The following SETD1B variants were observed in gnomAD, a reference collection of about 807,000 sequenced individuals.
The protein encoded by SETD1B is SET domain containing 1B, histone lysine methyltransferase.
Under a neutral mutation model 148.0 loss-of-function variants are expected in SETD1B, and 7 were observed. The ratio of observed to expected loss-of-function variants is 0.05; its 90% CI spans 0.03 to 0.09. SETD1B has a LOEUF of 0.09. Among genes scored for constraint, SETD1B ranks in the 10% least tolerant of loss-of-function variants. SETD1B has a pLI of 1.00. For synonymous variants in SETD1B, 1,361 were observed against 1,186.5 expected (o/e 1.15, Z -3.02); for missense variants, 2,155 against 2,729.9 (o/e 0.79, Z 4.69).
rs368741660 is a variant in SETD1B, at chr12:121,817,298, C to T, written c.2977+4C>T. 12 of 1,549,094 alleles carry T rather than the reference C, an allele frequency of 7.7e-6. No homozygotes were observed. The African/African-American group carries it at 1.4e-4, about 18-fold the overall frequency. On this transcript the variant is annotated splice_donor_region_variant and intron_variant, in intron 8 of 16. Coordinates refer to ENST00000604567, the MANE Select transcript of SETD1B (RefSeq NM_001353345.2). This position sits in a 1 kb window ranked among gnomAD's most constrained non-coding sequence, Gnocchi z 8.1. Reference sequence around the variant, plus strand: ...TCTGTGGATGAGGAAGATGAAGGTTCGTGCTCTGGGTGCTGGGGTCCCCTT... The same window carrying T: ...TCTGTGGATGAGGAAGATGAAGGTTTGTGCTCTGGGTGCTGGGGTCCCCTT...
the SETD1B span, chr12:121,797,779 T>TC: frequency 2.8e-6 from 1 of 353,254 alleles, no homozygotes; most frequent in Non-Finnish European, 5.6e-6. Context: ...AGCAACGGGG[T>TC]TCAATGGCAG....
the SETD1B span, among the ~76,000 whole-genome samples, chr12:121,790,515 A>G: frequency 6.6e-6 from 1 of 152,120 alleles, no homozygotes; most frequent in African/African-American, 2.4e-5. Flanking sequence ...CATTCATTCC[A>G]TCACCTTCCA....
chr12:121,807,520 T>C (rs1875805975), intron 4 of SETD1B, among the ~76,000 whole-genome samples: 1 of 151,876 alleles, frequency 6.6e-6, no homozygotes, highest in African/African-American at 2.4e-5. Context: ...ACTAAGTTTG[T>C]ATTTCAAGAA....
Position 121,825,340 on chromosome 12 carries a change from A to T in SETD1B, c.5311A>T (p.Thr1771Ser). Residue 1771 changes from threonine (T) to serine (S), a missense_variant, in exon 13 of 17, where the codon ACC becomes TCC. Physicochemically the swap from Thr to Ser is moderately conservative, Grantham distance 58 (BLOSUM62 1). Around this residue, in one of 11 missense-constraint regions of SETD1B, gnomAD observed 96 missense variants for 148.7 expected, o/e 0.65. Coordinates refer to ENST00000604567, the MANE Select transcript of SETD1B (RefSeq NM_001353345.2). ...LRYLNSSRAS[T>S]DEPPADTQGM... ...ATACCTCAACAGCAGCCGTGCCAGC[A>T]CCGATGAGCCCCCCGCAGACACCCA... is the stretch of plus-strand genomic sequence containing the variant. 6.4e-7 allele frequency: 1 copy of T among 1,551,112 alleles called. No individual in the cohort carries two copies. Among genetic ancestry groups the T allele is most frequent in the Non-Finnish European group, 8.7e-7 (1 of 1,147,036 alleles).
the SETD1B span, chr12:121,793,889 C>A: frequency 2.7e-6 from 1 of 367,470 alleles, no homozygotes; most frequent in Non-Finnish European, 4.8e-6. Context: ...AGCTCCCACC[C>A]CCAACCCACC....
intron 6 of SETD1B, among the ~76,000 whole-genome samples, chr12:121,813,106 C>T (rs907113493): frequency 2.6e-5 from 4 of 152,188 alleles, no homozygotes; most frequent in African/African-American, 7.2e-5. Flanking sequence ...TCCTGGGCTC[C>T]AGACCTTCTT....
At position 121,808,266 on chromosome 12, in the gene SETD1B, C is replaced by A; in HGVS notation, c.603C>A (p.Thr201=). 1.9e-6 allele frequency: 3 copies of A among 1,551,120 alleles called. No individual in the cohort carries two copies. Among genetic ancestry groups the A allele is most frequent in the Non-Finnish European group, 2.6e-6 (3 of 1,146,764 alleles). ...TCACTGGCCGATACACCCCCCAGACCCTCCCAGTGGGCGAGCTGGACGCTG... is the reference window on the plus strand; with the variant it reads ...TCACTGGCCGATACACCCCCCAGACACTCCCAGTGGGCGAGCTGGACGCTG... ...LLVTGRYTPQ[T]LPVGELDAVS... Residue 201 remains threonine, a synonymous_variant, in exon 5 of 17, where the codon ACC becomes ACA. Coordinates refer to ENST00000604567, the MANE Select transcript of SETD1B (RefSeq NM_001353345.2). This position sits in a 1 kb window ranked among gnomAD's most constrained non-coding sequence, Gnocchi z 5.3.
chr12:121,799,598 C>T (rs1157770081), upstream of SETD1B: 1 of 152,090 alleles, frequency 6.6e-6, no homozygotes, highest in Non-Finnish European at 1.5e-5. Context: ...CAAGTGGATC[C>T]TCTCGTATGC....
Position 121,817,519 on chromosome 12 carries a change from GCGTCCT to G in SETD1B, c.3135_3140del (p.Ser1047_Ser1048del). On this transcript the variant is annotated inframe_deletion, in exon 9 of 17. Coordinates refer to ENST00000604567, the MANE Select transcript of SETD1B (RefSeq NM_001353345.2). The surrounding 1 kb of genome is among the most constrained non-coding windows in gnomAD (Gnocchi z 8.1). ...GGAGGACGAGAAGGAGTCATTGTCGGCGTCCTCGTCCTCATCCGCGTCATCATCCTC... is the reference window on the plus strand; with the variant it reads ...GGAGGACGAGAAGGAGTCATTGTCGGCGTCCTCATCCGCGTCATCATCCTC... The G allele has an allele frequency of 1.3e-6, 2 of 1,551,452 alleles. No individual in the cohort carries two copies. The highest frequency in any genetic ancestry group is 8.7e-7 in the Non-Finnish European group (1 of 1,146,920).
At chr12:121,807,922 G>A (rs1327321593) in intron 4 of SETD1B, among the ~76,000 whole-genome samples, 3 of 151,938 alleles carry the variant, frequency 2.0e-5, no homozygotes, top group African/African-American at 7.3e-5. Flanking sequence ...GGGGCTGGGC[G>A]TCGCGGGTGG....
intron 10 of SETD1B, 25 bp from the exon 11 acceptor site, chr12:121,819,379 C>T (rs1483715402): frequency 1.5e-5 from 23 of 1,551,142 alleles, no homozygotes; most frequent in Non-Finnish European, 2.0e-5. Context: ...CCTCAGGCAG[C>T]CCCTCGTCTG....
chr12:121,813,995 A>C (rs560043918), intron 6 of SETD1B, 111 bp from the exon 7 acceptor site: 91 of 852,518 alleles, frequency 1.1e-4, no homozygotes, highest in Non-Finnish European at 1.5e-4. Context: ...AATGGCTTGC[A>C]CTGGGTCACA....
In SETD1B at chr12:121,810,659, A is replaced by G; in HGVS notation, c.1714A>G (p.Ile572Val). 1 of 1,549,590 alleles carries G rather than the reference A, an allele frequency of 6.5e-7. No individual in the cohort carries two copies. The highest frequency in any genetic ancestry group is 8.7e-7 in the Non-Finnish European group (1 of 1,146,692). ...CCCCTCCAGCACCGGCCTGGAGGAT[A>G]TCAGCCCAACACCCCTCCCAGACTC... is the stretch of plus-strand genomic sequence containing the variant. ...SRPSSTGLEDISPTPLPDSDE... is the reference protein window; with the variant it reads ...SRPSSTGLEDVSPTPLPDSDE... The change falls in exon 6 of 17, where the codon ATC becomes GTC. Residue 572 changes from isoleucine (I) to valine (V), a missense_variant. Physicochemically the swap from Ile to Val is conservative, Grantham distance 29 (BLOSUM62 3). Coordinates refer to ENST00000604567, the MANE Select transcript of SETD1B (RefSeq NM_001353345.2). The surrounding 1 kb of genome is among the most constrained non-coding windows in gnomAD (Gnocchi z 7.6).
chr12:121,796,220 C>A, the SETD1B span: 4 of 152,664 alleles, frequency 2.6e-5, no homozygotes, highest in Non-Finnish European at 4.4e-5. Context: ...TGAGTCACTC[C>A]CCCTTCCAGT....
chr12:121,815,674 T>C (rs570799821), intron 7 of SETD1B, among the ~76,000 whole-genome samples: 17 of 152,186 alleles, frequency 1.1e-4, no homozygotes, highest in African/African-American at 3.6e-4. Flanking sequence ...CACACCCAGC[T>C]AATTTGTGTG....
intron 4 of SETD1B, among the ~76,000 whole-genome samples, chr12:121,806,690 A>C (rs1875760693): frequency 6.6e-6 from 1 of 152,196 alleles, no homozygotes; most frequent in African/African-American, 2.4e-5. Context: ...GGGAAGAGCC[A>C]GGCAGGCGGC....
rs1271823876 is a variant in SETD1B, at chr12:121,804,249, G to A, written c.-15+16G>A. The A allele has an allele frequency of 6.8e-6, 1 of 147,552 alleles. No individual in the cohort carries two copies. Among genetic ancestry groups the A allele is most frequent in the Admixed American group, 6.7e-5 (1 of 14,842 alleles). 9.1% of individuals were successfully genotyped at this position (147,552 alleles called of 1,614,324 possible). ...CGGCGGGGATGTAAGCGCGGCTCGG[G>A]GAGGGAGAGGCCGCGGCCGGCAGCC... On this transcript the variant is annotated intron_variant, in intron 1 of 16. Coordinates refer to ENST00000604567, the MANE Select transcript of SETD1B (RefSeq NM_001353345.2). The surrounding 1 kb of genome is among the most constrained non-coding windows in gnomAD (Gnocchi z 4.6).
chr12:121,825,139 G>A, intron 12 of SETD1B, 61 bp from the exon 13 acceptor site: 2 of 1,511,580 alleles, frequency 1.3e-6, no homozygotes, highest in South Asian at 1.2e-5. Context: ...GGCGGGACCA[G>A]TCTATGAAGG....
chr12:121,814,330 G>C lies in SETD1B; in HGVS notation c.2115G>C (p.Met705Ile), dbSNP rs1398235426. 1.4e-6 allele frequency: 1 copy of C among 710,066 alleles called. No individual in the cohort carries two copies. Among genetic ancestry groups the C allele is most frequent in the Admixed American group, 3.7e-5 (1 of 27,220 alleles). The allele number at this position is 710,066 out of a possible 1,614,324, so 44.0% of individuals were successfully genotyped here. A position where few individuals can be genotyped will look rare whatever the true frequency, so the allele number is the denominator to read the frequency against. The stretch of plus-strand genomic sequence containing the variant: ...CCCCACCGCAGCCTGGCTTCCCCAT[G>C]CCCCCACCGCTGCCCCCACCGCCGC... ...PPPPPQPGFP[M>I]PPPLPPPPPP... Residue 705 changes from methionine (M) to isoleucine (I), a missense_variant, in exon 7 of 17, where the codon ATG becomes ATC. By Grantham distance (10) the Met-to-Ile change is conservative (BLOSUM62 1). This residue lies in a region of SETD1B where 295 missense variants were observed against 303.8 expected (regional missense o/e 0.97). Transcript: ENST00000604567.
Sources: gnomAD v4.1 joint callset for allele counts (sites outside exome capture counted in the v4.1 genomes callset) on GRCh38, gnomAD v4.1.1 for gene constraint, gnomAD v4.1.1 regional missense constraint, Gnocchi (gnomAD v3.1) non-coding constraint, MANE v1.5 for transcripts, NCBI Gene and HGNC (gene_info 2026-07-23, HGNC 2026-07-21) for gene names.